NRG3: variants seen among roughly 807,000 people sequenced by gnomAD.
NRG3 encodes the protein neuregulin 3.
Under a neutral mutation model 66.9 loss-of-function variants are expected in NRG3, and 31 were observed. The observed-to-expected ratio is 0.46, with a 90% CI of 0.35 to 0.63. The LOEUF is 0.63. Among genes scored for constraint, NRG3 ranks in the 20% least tolerant of loss-of-function variants. The pLI is 0.00. For missense variants in NRG3, 910 were observed against 878.9 expected, an observed-to-expected ratio of 1.04 and a Z score of -0.45; for synonymous variants, 393 against 359.4, an observed-to-expected ratio of 1.09 and a Z score of -1.06.
chr10:82,487,980 G>A (rs887117757), intron 2 of NRG3, among the ~76,000 whole-genome samples: 5 of 152,162 alleles, frequency 3.3e-5, no homozygotes, highest in African/African-American at 9.7e-5. Context: ...TGATACAGAA[G>A]CCCTAACAAT....
chr10:82,853,341 A>C (rs188013131), intron 3 of NRG3, among the ~76,000 whole-genome samples: 2 of 152,268 alleles, frequency 1.3e-5, no homozygotes, highest in East Asian at 3.9e-4. Flanking sequence ...TGATGGTGAT[A>C]TTGTGATGGG....
chr10:82,019,476 C>G (rs575518135), intron 1 of NRG3, among the ~76,000 whole-genome samples: 28 of 152,250 alleles, frequency 1.8e-4, no homozygotes, highest in African/African-American at 6.7e-4. Flanking sequence ...AGGATTCCCT[C>G]TTTTTCTATT....
At chr10:82,660,012 A>G (rs2052203536) in intron 2 of NRG3, among the ~76,000 whole-genome samples, 1 of 151,624 alleles carries the variant, frequency 6.6e-6, no homozygotes. Context: ...CCTGGCCAAC[A>G]TGGTGAAATC....
intron 1 of NRG3, among the ~76,000 whole-genome samples, chr10:82,150,815 CT>C (rs2070690007): frequency 6.6e-6 from 1 of 152,094 alleles, no homozygotes; most frequent in South Asian, 2.1e-4. Flanking sequence ...ACAACCGAGA[CT>C]TTTTCTAAGC....
At chr10:82,240,360 G>A (rs1223454588) in intron 1 of NRG3, among the ~76,000 whole-genome samples, 1 of 152,088 alleles carries the variant, frequency 6.6e-6, no homozygotes, top group East Asian at 1.9e-4. Flanking sequence ...AGATGAAAGT[G>A]TAGATTTCAG....
At chr10:82,551,855 A>G (rs972272813) in intron 2 of NRG3, among the ~76,000 whole-genome samples, 1 of 151,986 alleles carries the variant, frequency 6.6e-6, no homozygotes, top group African/African-American at 2.4e-5. Context: ...ATGCATCCAT[A>G]GACACTAGAG....
chr10:81,944,394 A>T (rs73306528), intron 1 of NRG3, among the ~76,000 whole-genome samples: 2 of 152,202 alleles, frequency 1.3e-5, no homozygotes, highest in African/African-American at 2.4e-5. Context: ...CAGTGTCTCA[A>T]GAAATATGTC....
chr10:82,820,327 A>G (rs2061895696), intron 3 of NRG3, among the ~76,000 whole-genome samples: 2 of 152,200 alleles, frequency 1.3e-5, no homozygotes, highest in African/African-American at 4.8e-5. Flanking sequence ...TCTGGCATAT[A>G]TTAAATTCCT....
intron 1 of NRG3, among the ~76,000 whole-genome samples, chr10:82,264,164 G>A (rs945338379): frequency 5.9e-5 from 9 of 152,202 alleles, no homozygotes; most frequent in Admixed American, 2.6e-4. Context: ...GTATTAGTTC[G>A]TTCTCACATT....
At chr10:82,513,965 T>C (rs1007984485) in intron 2 of NRG3, among the ~76,000 whole-genome samples, 4 of 152,178 alleles carry the variant, frequency 2.6e-5, no homozygotes, top group African/African-American at 9.7e-5. Context: ...TTCATATGTT[T>C]GTTGGCCGCA....
rs368396025 is a variant in NRG3, at chr10:82,349,718, C to T, written c.824-9021C>T. On this transcript the variant is annotated intron_variant, in intron 1 of 8. Coordinates refer to ENST00000372141, the MANE Select transcript of NRG3 (RefSeq NM_001010848.4). ...ACTGCTGTGCTAGCAATCAGGGAGA[C>T]TCCGTGGGCGTAGGACCCTCCGAGC... Among the ~76,000 whole-genome samples, 112 of 152,240 alleles carry T rather than the reference C, an allele frequency of 7.4e-4. 1 individual carries two copies. In the South Asian group the frequency reaches 9.6e-3, roughly 13 times the overall value.
intron 2 of NRG3, among the ~76,000 whole-genome samples, chr10:82,363,984 A>G (rs948573554): frequency 6.6e-6 from 1 of 152,174 alleles, no homozygotes; most frequent in African/African-American, 2.4e-5. Context: ...CATATAGTAG[A>G]ATCCTAATTC....
chr10:82,465,979 C>G (rs892468231), intron 2 of NRG3, among the ~76,000 whole-genome samples: 6 of 152,268 alleles, frequency 3.9e-5, no homozygotes, highest in East Asian at 1.9e-4. Context: ...ATGTCTCTAT[C>G]AGGATGTGCC....
At chr10:82,881,889 A>G (rs1842333426) in intron 4 of NRG3, among the ~76,000 whole-genome samples, 1 of 152,126 alleles carries the variant, frequency 6.6e-6, no homozygotes, top group Non-Finnish European at 1.5e-5. Context: ...TTTACTGAGT[A>G]TGCCTGTGTG....
At chr10:82,013,197 C>T (rs1487821306) in intron 1 of NRG3, among the ~76,000 whole-genome samples, 1 of 152,162 alleles carries the variant, frequency 6.6e-6, no homozygotes, top group East Asian at 1.9e-4. Flanking sequence ...GCAATCACAT[C>T]TTACATGGCA....
In NRG3 at chr10:81,919,425, C is replaced by T. The variant is rs558306802; in HGVS notation, c.823+43262C>T. 9.2e-5 allele frequency among the ~76,000 whole-genome samples: 14 copies of T among 152,182 alleles called. No individual in the cohort carries two copies. In the East Asian group the frequency reaches 1.6e-3, roughly 17 times the overall value. ...GGTAATACTTATTTTGAAGTTGTGT[C>T]AGGATTGGTAGCAGCGTGCAGAGAT... On this transcript the variant is annotated intron_variant, in intron 1 of 8. Transcript: ENST00000372141.
intron 1 of NRG3, among the ~76,000 whole-genome samples, chr10:82,288,800 G>A (rs1252749229): frequency 2.0e-5 from 3 of 152,188 alleles, no homozygotes; most frequent in African/African-American, 7.2e-5. Flanking sequence ...GGAGCATGCT[G>A]ACTTATCTGC....
intron 3 of NRG3, among the ~76,000 whole-genome samples, chr10:82,829,649 TC>T (rs2062415099): frequency 6.6e-6 from 1 of 152,084 alleles, no homozygotes; most frequent in African/African-American, 2.4e-5. Context: ...GGAAGACAGA[TC>T]CAGTAGATGG....
At chr10:82,137,683 CA>C (rs780217972) in intron 1 of NRG3, among the ~76,000 whole-genome samples, 116 of 152,134 alleles carry the variant, frequency 7.6e-4, no homozygotes, top group Admixed American at 2.9e-3. Flanking sequence ...ATCACTGGGC[CA>C]AAAAACATAA....
Sources: gnomAD v4.1 joint callset for allele counts (sites outside exome capture counted in the v4.1 genomes callset) on GRCh38, gnomAD v4.1.1 for gene constraint, MANE v1.5 for transcripts, NCBI Gene and HGNC (gene_info 2026-07-23, HGNC 2026-07-21) for gene names.